SLC24A2: variants seen among roughly 807,000 people sequenced by gnomAD.
The protein encoded by SLC24A2 is sodium/potassium/calcium exchanger 2.
Under a neutral mutation model 62.0 loss-of-function variants are expected in SLC24A2, and 36 were observed. The ratio of observed to expected loss-of-function variants is 0.58; its 90% CI spans 0.44 to 0.77. The LOEUF is 0.77. SLC24A2 is among the 30% of genes least tolerant of loss of function. SLC24A2 has a pLI of 0.00. For synonymous variants in SLC24A2, 358 were observed against 294.0 expected (o/e 1.22, Z -2.23); for missense variants, 846 against 817.9 (o/e 1.03, Z -0.42).
At chr9:19,848,874 G>T in the SLC24A2 span, among the ~76,000 whole-genome samples, 2 of 152,164 alleles carry the variant, frequency 1.3e-5, no homozygotes, top group Admixed American at 6.5e-5. Flanking sequence ...AATAAATGTT[G>T]ACCTGAAATA....
At chr9:19,561,242 T>A (rs1321325401) in intron 7 of SLC24A2, among the ~76,000 whole-genome samples, 1 of 151,220 alleles carries the variant, frequency 6.6e-6, no homozygotes, top group African/African-American at 2.4e-5. Flanking sequence ...TATTTGTATT[T>A]TTTAACCAAC....
chr9:20,113,581 A>T, the SLC24A2 span, among the ~76,000 whole-genome samples: 62 of 152,264 alleles, frequency 4.1e-4, no homozygotes, highest in African/African-American at 1.5e-3. Context: ...TTCTATAATT[A>T]TTCTATATTG....
the SLC24A2 span, among the ~76,000 whole-genome samples, chr9:19,796,176 A>T: frequency 6.6e-6 from 1 of 151,260 alleles, no homozygotes; most frequent in East Asian, 2.0e-4. Flanking sequence ...ATGTTAAATG[A>T]CGAGTTAATG....
At chr9:19,980,278 G>A in the SLC24A2 span, among the ~76,000 whole-genome samples, 1 of 152,154 alleles carries the variant, frequency 6.6e-6, no homozygotes, top group Non-Finnish European at 1.5e-5. Context: ...ACAAGCTCCA[G>A]TTAACGCTGA....
At chr9:20,238,526 G>A in the SLC24A2 span, among the ~76,000 whole-genome samples, 1 of 152,192 alleles carries the variant, frequency 6.6e-6, no homozygotes, top group African/African-American at 2.4e-5. Context: ...TAAAAATTAA[G>A]TTAGTCAGAA....
chr9:19,873,395 C>T, the SLC24A2 span, among the ~76,000 whole-genome samples: 7 of 135,610 alleles, frequency 5.2e-5, no homozygotes, highest in African/African-American at 1.4e-4. Flanking sequence ...TCTCTCTCTC[C>T]TTCCTTCCTT....
At chr9:20,136,641 T>C in the SLC24A2 span, among the ~76,000 whole-genome samples, 9 of 152,170 alleles carry the variant, frequency 5.9e-5, no homozygotes, top group Admixed American at 2.6e-4. Context: ...TTGCAACAAA[T>C]TGACCACAAA....
chr9:20,139,847 G>A, the SLC24A2 span, among the ~76,000 whole-genome samples: 1 of 152,168 alleles, frequency 6.6e-6, no homozygotes, highest in Non-Finnish European at 1.5e-5. Context: ...ATGCTTCTGG[G>A]AGGAAAAGAC....
chr9:20,193,867 G>T, the SLC24A2 span, among the ~76,000 whole-genome samples: 1 of 152,064 alleles, frequency 6.6e-6, no homozygotes, highest in Non-Finnish European at 1.5e-5. Flanking sequence ...GATCCTATCG[G>T]TTGAAAGAAT....
intron 9 of SLC24A2, among the ~76,000 whole-genome samples, chr9:19,525,765 GTTTTTTTTTTT>G (rs71496823): frequency 6.0e-3 from 599 of 99,150 alleles, no homozygotes; most frequent in Admixed American, 8.7e-3. Context: ...ACATGCTACT[GTTTTTTTTTTT>G]TTTTTTTTTT....
At chr9:20,091,821 G>A in the SLC24A2 span, among the ~76,000 whole-genome samples, 1 of 152,060 alleles carries the variant, frequency 6.6e-6, no homozygotes, top group Non-Finnish European at 1.5e-5. Context: ...ACAATAACCA[G>A]CAAAGACATG....
chr9:19,978,211 G>C, the SLC24A2 span, among the ~76,000 whole-genome samples: 1 of 152,044 alleles, frequency 6.6e-6, no homozygotes, highest in Non-Finnish European at 1.5e-5. Context: ...CCATATAACT[G>C]TTTGTAATAC....
At chr9:20,188,331 C>T in the SLC24A2 span, among the ~76,000 whole-genome samples, 2 of 152,086 alleles carry the variant, frequency 1.3e-5, no homozygotes, top group South Asian at 2.1e-4. Context: ...CCAGCCTTAA[C>T]AATAGGGAGT....
chr9:19,535,612 C>T (rs887530301), intron 8 of SLC24A2, among the ~76,000 whole-genome samples: 2 of 152,168 alleles, frequency 1.3e-5, no homozygotes, highest in African/African-American at 4.8e-5. Context: ...CATAGGGAAT[C>T]CTTTCCCCAT....
At chr9:20,248,380 G>C in the SLC24A2 span, among the ~76,000 whole-genome samples, 1 of 152,212 alleles carries the variant, frequency 6.6e-6, no homozygotes, top group South Asian at 2.1e-4. Flanking sequence ...AAGCTGAGTT[G>C]CTTAAGCAAC....
At chr9:19,931,387 T>C in the SLC24A2 span, among the ~76,000 whole-genome samples, 1 of 152,256 alleles carries the variant, frequency 6.6e-6, no homozygotes, top group South Asian at 2.1e-4. Context: ...CAAAATAATG[T>C]ATTTAACACA....
the SLC24A2 span, among the ~76,000 whole-genome samples, chr9:20,161,643 T>G: frequency 6.6e-6 from 1 of 151,138 alleles, no homozygotes; most frequent in Non-Finnish European, 1.5e-5. Context: ...CCTGAAAAAG[T>G]TTTTGACAAA....
chr9:19,772,856 A>T (rs918087971), intron 2 of SLC24A2, among the ~76,000 whole-genome samples: 3 of 152,212 alleles, frequency 2.0e-5, no homozygotes, highest in Non-Finnish European at 2.9e-5. Flanking sequence ...GCCAAAGAGA[A>T]CTAAAAACAT....
At chr9:19,735,521 G>T (rs1444509293) in intron 2 of SLC24A2, among the ~76,000 whole-genome samples, 10 of 152,124 alleles carry the variant, frequency 6.6e-5, no homozygotes, top group Non-Finnish European at 1.3e-4. Context: ...ATACCCAAAG[G>T]ATTATAAATC....
Sources: allele counts gnomAD v4.1 joint callset (sites outside exome capture counted in the v4.1 genomes callset), GRCh38; gene constraint gnomAD v4.1.1; transcripts MANE v1.5; gene names NCBI Gene and HGNC (gene_info 2026-07-23, HGNC 2026-07-21).